Variants in COLEC12 observed in about 807,000 individuals in gnomAD.
The protein encoded by COLEC12 is collectin-12.
In COLEC12, 33 loss-of-function variants were observed where a neutral mutation model predicts 71.1. The ratio of observed to expected loss-of-function variants is 0.46; its 90% CI spans 0.35 to 0.62. COLEC12 has a LOEUF of 0.62. Among genes scored for constraint, COLEC12 ranks in the 20% least tolerant of loss-of-function variants. COLEC12 has a pLI of 0.00. For missense variants in COLEC12, 765 were observed against 916.1 expected (o/e 0.84, Z 2.13); for synonymous variants, 350 against 353.0 (o/e 0.99, Z 0.10).
chr18:386,574 A>G (rs1303070409), intron 2 of COLEC12, among the ~76,000 whole-genome samples: 1 of 152,220 alleles, frequency 6.6e-6, no homozygotes, highest in African/African-American at 2.4e-5. Flanking sequence ...CTCACCCTTC[A>G]GATACAAACC....
chr18:489,413 G>C (rs1917579519), intron 1 of COLEC12, among the ~76,000 whole-genome samples: 1 of 152,154 alleles, frequency 6.6e-6, no homozygotes, highest in Non-Finnish European at 1.5e-5. Context: ...CAAACCCAGT[G>C]TGTGTGCATG....
At chr18:390,124 G>A (rs541414702) in intron 2 of COLEC12, among the ~76,000 whole-genome samples, 18 of 152,330 alleles carry the variant, frequency 1.2e-4, no homozygotes, top group Admixed American at 2.0e-4. Flanking sequence ...AACCGAGGCA[G>A]TTCCCAGGAC....
chr18:332,975 G>A (rs1309124756), intron 7 of COLEC12, 32 bp downstream of exon 7: 2 of 1,528,304 alleles, frequency 1.3e-6, no homozygotes, highest in East Asian at 2.3e-5. Flanking sequence ...TTAAATTATA[G>A]TTTTCCCCAA....
chr18:443,768 G>T (rs1916591931), intron 2 of COLEC12, among the ~76,000 whole-genome samples: 1 of 152,222 alleles, frequency 6.6e-6, no homozygotes, highest in Admixed American at 6.5e-5. Flanking sequence ...GTAGTCCCCA[G>T]TGGTGGAGGT....
chr18:369,982 C>T (rs1914965331), intron 2 of COLEC12, among the ~76,000 whole-genome samples: 1 of 152,082 alleles, frequency 6.6e-6, no homozygotes, highest in Non-Finnish European at 1.5e-5. Context: ...GTTTACCTCT[C>T]AAAATCATGC....
chr18:473,582 C>T (rs1254822771), intron 2 of COLEC12, among the ~76,000 whole-genome samples: 3 of 152,140 alleles, frequency 2.0e-5, no homozygotes, highest in African/African-American at 2.4e-5. Context: ...AGGCTAATCT[C>T]GAACCCCTGA....
At chr18:338,716 G>A (rs1157130319) in intron 5 of COLEC12, among the ~76,000 whole-genome samples, 2 of 152,194 alleles carry the variant, frequency 1.3e-5, no homozygotes, top group African/African-American at 2.4e-5. Context: ...TCCCAGAGAT[G>A]AATAGTGGTG....
rs1913616551 is a variant in COLEC12, at chr18:318,834, T to C, written c.*1211A>G. The C allele has an allele frequency of 6.6e-6, 1 of 152,206 alleles. No homozygotes were observed. The highest frequency in any genetic ancestry group is 2.4e-5 in the African/African-American group (1 of 41,432). 9.4% of individuals were successfully genotyped at this position (152,206 alleles called of 1,614,324 possible). A position where few individuals can be genotyped will look rare whatever the true frequency, so the allele number is the denominator to read the frequency against. On this transcript the variant is annotated 3_prime_UTR_variant, in exon 10 of 10. Transcript: ENST00000400256. ...GAGTTCCACAAAGTGGCCAAAAGTT[T>C]ATTCTTGCATTTTATCATGCGTATG... is the stretch of plus-strand genomic sequence containing the variant.
rs911226732 is a variant in COLEC12 at position 500,109 on chromosome 18, G to A, written c.7+399C>T. 6.6e-6 allele frequency among the ~76,000 whole-genome samples: 1 copy of A among 152,226 alleles called. No homozygotes were observed. Among genetic ancestry groups the A allele is most frequent in the Non-Finnish European group, 1.5e-5 (1 of 68,042 alleles). On this transcript the variant is annotated intron_variant, in intron 1 of 9. Transcript: ENST00000400256. The surrounding 1 kb of genome is among the most constrained non-coding windows in gnomAD (Gnocchi z 5.3). The stretch of plus-strand genomic sequence containing the variant: ...GCCGGGAAACGGCTAGAGGCGGGAG[G>A]AGAGAGGACTGGGCGAGCGTGGGGA...
chr18:387,470 A>ATT (rs975978257), intron 2 of COLEC12, among the ~76,000 whole-genome samples: 3 of 146,758 alleles, frequency 2.0e-5, no homozygotes, highest in African/African-American at 7.5e-5. Context: ...CTAGAACTCC[A>ATT]TTTTTTTTTT....
intron 8 of COLEC12, among the ~76,000 whole-genome samples, chr18:322,394 G>A (rs1913730137): frequency 6.6e-6 from 1 of 152,208 alleles, no homozygotes; most frequent in African/African-American, 2.4e-5. Context: ...GATTGCTTTA[G>A]AAAGAAATAG....
chr18:344,293 A>G (rs1567878563), intron 5 of COLEC12, among the ~76,000 whole-genome samples: 1 of 152,148 alleles, frequency 6.6e-6, no homozygotes, highest in Non-Finnish European at 1.5e-5. Flanking sequence ...ATTCTGTAAA[A>G]CCAAAATTGA....
At chr18:322,890 T>C (rs917191049) in intron 8 of COLEC12, among the ~76,000 whole-genome samples, 16 of 152,114 alleles carry the variant, frequency 1.1e-4, no homozygotes, top group African/African-American at 3.9e-4. Flanking sequence ...AGGGTAGAAC[T>C]GACTCCCCCA....
chr18:386,731 A>T (rs971691213), intron 2 of COLEC12, among the ~76,000 whole-genome samples: 1 of 152,238 alleles, frequency 6.6e-6, no homozygotes, highest in African/African-American at 2.4e-5. Flanking sequence ...TGAATTTGGA[A>T]GCTGAGAGCC....
chr18:371,331 T>A (rs1353984477), intron 2 of COLEC12, among the ~76,000 whole-genome samples: 2 of 152,202 alleles, frequency 1.3e-5, no homozygotes, highest in African/African-American at 2.4e-5. Flanking sequence ...TTTACTAAGC[T>A]TTATCCAGAG....
intron 2 of COLEC12, among the ~76,000 whole-genome samples, chr18:474,879 C>A (rs1328100136): frequency 1.3e-5 from 2 of 151,960 alleles, no homozygotes; most frequent in Admixed American, 1.3e-4. Context: ...TCAAGACCAG[C>A]CTGGCCAACA....
intron 2 of COLEC12, among the ~76,000 whole-genome samples, chr18:381,046 A>C (rs1429436189): frequency 6.6e-6 from 1 of 152,126 alleles, no homozygotes; most frequent in East Asian, 1.9e-4. Context: ...AGAATGTCAA[A>C]AGTGCTGAGA....
chr18:453,501 G>A (rs1916803533), intron 2 of COLEC12, among the ~76,000 whole-genome samples: 1 of 152,140 alleles, frequency 6.6e-6, no homozygotes, highest in Non-Finnish European at 1.5e-5. Flanking sequence ...GTGGTTGGGA[G>A]TGAGGGAACC....
At chr18:392,585 G>C (rs1051346770) in intron 2 of COLEC12, among the ~76,000 whole-genome samples, 1 of 152,166 alleles carries the variant, frequency 6.6e-6, no homozygotes, top group African/African-American at 2.4e-5. Context: ...CCACACCCTT[G>C]TCCCAGCTTT....
Sources: allele counts gnomAD v4.1 joint callset (sites outside exome capture counted in the v4.1 genomes callset), GRCh38; gene constraint gnomAD v4.1.1; non-coding constraint Gnocchi (gnomAD v3.1); transcripts MANE v1.5; gene names NCBI Gene and HGNC (gene_info 2026-07-23, HGNC 2026-07-21).